Variants in KCNMA1 observed in about 807,000 individuals in gnomAD.
KCNMA1 encodes the protein Calcium-activated potassium channel subunit alpha-1.
KCNMA1 carries 29 observed loss-of-function variants against 140.0 expected under a neutral mutation model. The ratio of observed to expected loss-of-function variants is 0.21; its 90% CI spans 0.15 to 0.28. The LOEUF (loss-of-function observed/expected upper bound fraction) is 0.28. Among genes scored for constraint, KCNMA1 ranks in the 10% least tolerant of loss-of-function variants. The pLI, the probability that KCNMA1 is intolerant of heterozygous loss-of-function variation, is 1.00. For synonymous variants in KCNMA1, 612 were observed against 611.9 expected, an observed-to-expected ratio of 1.00 and a Z score of 0.00; for missense variants, 880 against 1,602.2, an observed-to-expected ratio of 0.55 and a Z score of 7.70.
Position 77,401,397 on chromosome 10 carries a change from CA to C in KCNMA1, c.540+2464del, listed in dbSNP as rs373564283. ...GTCTCGATCTCCGGACCTCGTGATC[CA>C]CCCACCTGAGCCTCCCAAAGTGCTG... On this transcript the variant is annotated intron_variant, in intron 2 of 27. Transcript: ENST00000286628. Among the ~76,000 whole-genome samples the C allele has an allele frequency of 8.7e-4, 132 of 152,246 alleles. 2 individuals are homozygous for C. The South Asian group carries it at 0.011, about 12-fold the overall frequency.
intron 1 of KCNMA1, among the ~76,000 whole-genome samples, chr10:77,487,133 C>T (rs2098470496): frequency 6.6e-6 from 1 of 152,210 alleles, no homozygotes; most frequent in Non-Finnish European, 1.5e-5. Flanking sequence ...CCATCCAGCT[C>T]AGCCCTAGAA....
chr10:77,500,490 T>G (rs545076524), intron 1 of KCNMA1, among the ~76,000 whole-genome samples: 6 of 152,078 alleles, frequency 3.9e-5, no homozygotes, highest in African/African-American at 1.4e-4. Flanking sequence ...TCTACCAAAC[T>G]GTAAAAAGCA....
At chr10:76,974,494 G>A (rs900795021) in intron 19 of KCNMA1, 13 of 1,543,714 alleles carry the variant, frequency 8.4e-6, no homozygotes, top group African/African-American at 4.1e-5. Flanking sequence ...CACCTGGCTC[G>A]GTCACAAGCC....
At chr10:77,300,420 A>G (rs2076260556) in intron 2 of KCNMA1, among the ~76,000 whole-genome samples, 1 of 152,248 alleles carries the variant, frequency 6.6e-6, no homozygotes, top group Admixed American at 6.5e-5. Context: ...TCTCACAGGT[A>G]GAGTTGTTGT....
At chr10:77,358,668 T>C (rs2093696311) in intron 2 of KCNMA1, among the ~76,000 whole-genome samples, 1 of 152,204 alleles carries the variant, frequency 6.6e-6, no homozygotes, top group African/African-American at 2.4e-5. Context: ...CAACACAGAC[T>C]TCTCCAAAAC....
At chr10:77,238,376 C>T (rs1388004084) in intron 3 of KCNMA1, among the ~76,000 whole-genome samples, 1 of 152,134 alleles carries the variant, frequency 6.6e-6, no homozygotes, top group Admixed American at 6.5e-5. Flanking sequence ...GAATCATTGC[C>T]TAAAGAGGAA....
At chr10:77,622,784 T>G (rs1289669649) in intron 1 of KCNMA1, among the ~76,000 whole-genome samples, 1 of 152,180 alleles carries the variant, frequency 6.6e-6, no homozygotes, top group Non-Finnish European at 1.5e-5. Context: ...TTGTTCTGAT[T>G]TTTTTTCCCC....
intron 19 of KCNMA1, among the ~76,000 whole-genome samples, chr10:76,983,590 G>A (rs938174027): frequency 3.9e-5 from 6 of 152,090 alleles, no homozygotes; most frequent in African/African-American, 1.4e-4. Flanking sequence ...AGCTGGGCAT[G>A]GTGGCATATG....
At chr10:77,296,356 G>A (rs1289376157) in intron 2 of KCNMA1, among the ~76,000 whole-genome samples, 1 of 152,186 alleles carries the variant, frequency 6.6e-6, no homozygotes, top group Non-Finnish European at 1.5e-5. Flanking sequence ...CCAGCCTCCA[G>A]TCCTGCTGAC....
At chr10:77,193,629 G>A (rs1454004952) in intron 3 of KCNMA1, among the ~76,000 whole-genome samples, 1 of 152,162 alleles carries the variant, frequency 6.6e-6, no homozygotes, top group Non-Finnish European at 1.5e-5. Context: ...TATAGGTATG[G>A]AGTGGTTCAT....
At chr10:77,504,589 T>C (rs1672997858) in intron 1 of KCNMA1, among the ~76,000 whole-genome samples, 1 of 152,150 alleles carries the variant, frequency 6.6e-6, no homozygotes, top group Non-Finnish European at 1.5e-5. Context: ...TTTATCTTTT[T>C]ATTTTTGTTA....
intron 2 of KCNMA1, among the ~76,000 whole-genome samples, chr10:77,396,706 G>A (rs1566562626): frequency 6.6e-6 from 1 of 152,176 alleles, no homozygotes; most frequent in Non-Finnish European, 1.5e-5. Context: ...TATTTAGGGG[G>A]ATAAAGAGAG....
intron 1 of KCNMA1, among the ~76,000 whole-genome samples, chr10:77,572,562 A>AT (rs1181731930): frequency 1.0e-5 from 1 of 100,478 alleles, no homozygotes; most frequent in East Asian, 2.8e-4. Context: ...CAAAAAAAAA[A>AT]AAAATCCATA....
intron 5 of KCNMA1, among the ~76,000 whole-genome samples, chr10:77,156,974 G>A (rs879845877): frequency 6.6e-6 from 1 of 152,156 alleles, no homozygotes; most frequent in Non-Finnish European, 1.5e-5. Flanking sequence ...CCTTTGGGGA[G>A]ACTGATTTGA....
chr10:77,488,540 C>T (rs542715610), intron 1 of KCNMA1, among the ~76,000 whole-genome samples: 1 of 152,320 alleles, frequency 6.6e-6, no homozygotes, highest in Non-Finnish European at 1.5e-5. Flanking sequence ...TGTTGATAGG[C>T]TCCACATCTA....
At chr10:77,560,657 C>T (rs1360010946) in intron 1 of KCNMA1, among the ~76,000 whole-genome samples, 3 of 152,196 alleles carry the variant, frequency 2.0e-5, no homozygotes, top group Non-Finnish European at 4.4e-5. Flanking sequence ...CTCAAGTGGT[C>T]TCTAGTGCCA....
chr10:76,904,509 A>G (rs1164300776), intron 25 of KCNMA1: 1 of 152,132 alleles, frequency 6.6e-6, no homozygotes, highest in East Asian at 1.9e-4. Context: ...ACACTGTTAT[A>G]ATATGCTTTT....
intron 1 of KCNMA1, chr10:77,635,537 G>A (rs1481020845): frequency 6.6e-6 from 1 of 152,256 alleles, no homozygotes; most frequent in Non-Finnish European, 1.5e-5. Context: ...ACTGTTGGGG[G>A]AGGTGGAGGA....
chr10:76,892,689 C>G (rs2040694089), intron 25 of KCNMA1, among the ~76,000 whole-genome samples: 2 of 151,968 alleles, frequency 1.3e-5, no homozygotes, highest in Admixed American at 6.6e-5. Context: ...AGGGAACAAA[C>G]CAAGTAAGGG....
Sources: allele counts gnomAD v4.1 joint callset (sites outside exome capture counted in the v4.1 genomes callset), GRCh38; gene constraint gnomAD v4.1.1; transcripts MANE v1.5; gene names NCBI Gene and HGNC (gene_info 2026-07-23, HGNC 2026-07-21).